The following CC2D2A variants were observed in gnomAD, a reference collection of about 807,000 sequenced individuals.
CC2D2A encodes the protein coiled-coil and C2 domain-containing protein 2A.
A neutral mutation model predicts 212.9 loss-of-function variants in CC2D2A; 155 were observed. The ratio of observed to expected loss-of-function variants is 0.73; its 90% CI spans 0.64 to 0.83. CC2D2A has a LOEUF of 0.83. Among genes scored for constraint, CC2D2A ranks in the 40% least tolerant of loss-of-function variants. The probability of loss-of-function intolerance (pLI) is 0.00; values close to 1 mark genes in which losing one functional copy is unlikely to be tolerated. For synonymous variants in CC2D2A, 667 were observed against 686.5 expected, an observed-to-expected ratio of 0.97 and a Z score of 0.44; for missense variants, 1,856 against 1,956.2, an observed-to-expected ratio of 0.95 and a Z score of 0.97.
At chr4:15,527,993 C>T (rs961651703) in intron 12 of CC2D2A, among the ~76,000 whole-genome samples, 2 of 152,200 alleles carry the variant, frequency 1.3e-5, no homozygotes, top group Non-Finnish European at 2.9e-5. Flanking sequence ...TTGAGAATAT[C>T]TGTCCTTAGA....
In CC2D2A at chr4:15,550,943, T is replaced by C. The variant is rs763256273; in HGVS notation, c.2301T>C (p.Asn767=). 6.2e-6 allele frequency: 10 copies of C among 1,606,564 alleles called. No individual in the cohort carries two copies. The highest frequency in any genetic ancestry group is 8.5e-6 in the Non-Finnish European group (10 of 1,173,994). The change falls in exon 18 of 37, where the codon AAT becomes AAC. Residue 767 remains asparagine (N), a synonymous_variant. Coordinates refer to ENST00000424120, the MANE Select transcript of CC2D2A (RefSeq NM_001378615.1). The part of the protein sequence containing the change: ...APTEEVEFSS[N]QHVTLDHEGV... The stretch of plus-strand genomic sequence containing the variant: ...CTGAAGAAGTGGAGTTTAGCAGTAA[T>C]CAGCATGTGACACTGGACCACGAGG...
chr4:15,496,819 A>C (rs1012932415), intron 4 of CC2D2A, among the ~76,000 whole-genome samples: 3 of 152,208 alleles, frequency 2.0e-5, no homozygotes, highest in Non-Finnish European at 2.9e-5. Flanking sequence ...CACAACAGCC[A>C]CACAAAGAAT....
At chr4:15,511,546 G>A (rs1054170472) in intron 8 of CC2D2A, 123 bp downstream of exon 8, 55 of 880,454 alleles carry the variant, frequency 6.2e-5, no homozygotes, top group Non-Finnish European at 6.0e-5. Flanking sequence ...GACACTCCAC[G>A]TCTGAGTTGA....
At chr4:15,556,441 A>G (rs1719285111) in intron 20 of CC2D2A, among the ~76,000 whole-genome samples, 1 of 152,230 alleles carries the variant, frequency 6.6e-6, no homozygotes, top group African/African-American at 2.4e-5. Flanking sequence ...CATATTACCT[A>G]AAATGTAGTC....
chr4:15,519,100 C>T, intron 11 of CC2D2A: 1 of 166,748 alleles, frequency 6.0e-6, no homozygotes, highest in South Asian at 1.3e-4. Flanking sequence ...TTTTATACTC[C>T]CCTTATAAAA....
In CC2D2A at chr4:15,527,567, G is replaced by A. The variant is rs372029263; in HGVS notation, c.1270G>A (p.Glu424Lys). Residue 424 changes from glutamate to lysine, a missense_variant, in exon 12 of 37, where the codon GAG (glutamate) becomes AAG (lysine). This residue lies in a region of CC2D2A where 1,512 missense variants were observed against 1,579.3 expected (regional missense o/e 0.96). Coordinates refer to ENST00000424120, the MANE Select transcript of CC2D2A (RefSeq NM_001378615.1). The stretch of plus-strand genomic sequence containing the variant: ...CACTCATCATCCCTGTTTTAGCCGA[G>A]AGCATGTTTTGGCAGCCAAGCTGGC... ...IFTHHPCFSREHVLAAKLAQL... is the reference protein window; with the variant it reads ...IFTHHPCFSRKHVLAAKLAQL... The A allele has an allele frequency of 1.9e-6, 3 of 1,613,350 alleles. No individual in the cohort carries two copies. The highest frequency in any genetic ancestry group is 2.5e-6 in the Non-Finnish European group (3 of 1,179,660).
intron 4 of CC2D2A, among the ~76,000 whole-genome samples, chr4:15,490,967 T>G (rs1715274636): frequency 6.6e-6 from 1 of 151,900 alleles, no homozygotes; most frequent in African/African-American, 2.4e-5. Flanking sequence ...CGCCTTAGAG[T>G]TGTGAGCCCT....
In CC2D2A at chr4:15,540,921, A is replaced by G. The variant is rs760615867; in HGVS notation, c.2088A>G (p.Thr696=). Residue 696 remains threonine (T), a synonymous_variant, in exon 17 of 37, where the codon ACA becomes ACG. Coordinates refer to ENST00000424120, the MANE Select transcript of CC2D2A (RefSeq NM_001378615.1). ...TCAACAACAAGGAGGTGTCCAGGAC[A>G]GTCAGTCGGCCACTAGGAGCAGACT... ...VLFNNKEVSR[T]VSRPLGADFR... 5 of 1,578,406 alleles carry G rather than the reference A, an allele frequency of 3.2e-6. No individual in the cohort carries two copies. In the Admixed American group the frequency reaches 7.3e-5, roughly 23 times the overall value.
At chr4:15,540,288 GTT>G (rs545715120) in intron 16 of CC2D2A, among the ~76,000 whole-genome samples, 1 of 142,434 alleles carries the variant, frequency 7.0e-6, no homozygotes, top group Non-Finnish European at 1.5e-5. Context: ...ATGGGAGGTT[GTT>G]TTTTTTTTTA....
intron 24 of CC2D2A, among the ~76,000 whole-genome samples, chr4:15,566,136 TG>T: frequency 6.6e-6 from 1 of 152,150 alleles, no homozygotes; most frequent in East Asian, 1.9e-4. Context: ...GTTAGGGTGA[TG>T]GTGGAGGTAT....
Position 15,550,805 on chromosome 4 carries a change from T to G in CC2D2A, c.2182-19T>G. 6.5e-7 allele frequency: 1 copy of G among 1,540,742 alleles called. No individual in the cohort carries two copies. Among genetic ancestry groups the G allele is most frequent in the Non-Finnish European group, 8.9e-7 (1 of 1,129,888 alleles). On this transcript the variant is annotated intron_variant, in intron 17 of 36. Coordinates refer to ENST00000424120, the MANE Select transcript of CC2D2A (RefSeq NM_001378615.1). Reference sequence around the variant, plus strand: ...ACTACTGCTGTTTTTATTGGCTATTTCTCTTCTCTGGTTTTCAGGTCTATG... The same window carrying G: ...ACTACTGCTGTTTTTATTGGCTATTGCTCTTCTCTGGTTTTCAGGTCTATG...
At chr4:15,529,062 T>C (rs1717673438) in intron 13 of CC2D2A, among the ~76,000 whole-genome samples, 1 of 152,198 alleles carries the variant, frequency 6.6e-6, no homozygotes, top group Non-Finnish European at 1.5e-5. Context: ...TAAGGAGCTA[T>C]GTGTGCATAT....
intron 4 of CC2D2A, among the ~76,000 whole-genome samples, chr4:15,488,926 G>T (rs933779355): frequency 6.6e-6 from 1 of 152,160 alleles, no homozygotes; most frequent in African/African-American, 2.4e-5. Context: ...CCCAAATAAA[G>T]AAAGCATCTC....
intron 13 of CC2D2A, among the ~76,000 whole-genome samples, chr4:15,530,632 C>G (rs764261662): frequency 3.3e-5 from 5 of 152,084 alleles, no homozygotes; most frequent in African/African-American, 4.8e-5. Context: ...ATTCTGTGCC[C>G]TTGGAGATGA....
At chr4:15,549,544 T>C (rs1411021858) in intron 17 of CC2D2A, among the ~76,000 whole-genome samples, 1 of 152,206 alleles carries the variant, frequency 6.6e-6, no homozygotes, top group African/African-American at 2.4e-5. Context: ...CAGATCAGGC[T>C]GTAATCCCAG....
At chr4:15,518,373 G>T (rs796905549) in intron 11 of CC2D2A, among the ~76,000 whole-genome samples, 2 of 152,198 alleles carry the variant, frequency 1.3e-5, no homozygotes, top group African/African-American at 4.8e-5. Context: ...GGGCAGCTTC[G>T]CCTCTGTGGC....
chr4:15,580,215 C>A, intron 30 of CC2D2A, 44 bp downstream of exon 30: 1 of 1,435,874 alleles, frequency 7.0e-7, no homozygotes, highest in Non-Finnish European at 9.7e-7. Context: ...AAACTGTTTT[C>A]ACATTTCAAT....
chr4:15,496,346 A>G (rs564278558), intron 4 of CC2D2A, among the ~76,000 whole-genome samples: 1 of 152,262 alleles, frequency 6.6e-6, no homozygotes, highest in Non-Finnish European at 1.5e-5. Flanking sequence ...GTTTACTTTT[A>G]GGGTTTCTAA....
chr4:15,559,690 CT>C (rs1292779701), intron 22 of CC2D2A, among the ~76,000 whole-genome samples: 1 of 150,520 alleles, frequency 6.6e-6, no homozygotes, highest in African/African-American at 2.5e-5. Flanking sequence ...TCCTTCCTTC[CT>C]TCAATAAACT....
Sources: allele counts gnomAD v4.1 joint callset (sites outside exome capture counted in the v4.1 genomes callset), GRCh38; gene constraint gnomAD v4.1.1; regional missense constraint gnomAD v4.1.1; transcripts MANE v1.5; gene names NCBI Gene and HGNC (gene_info 2026-07-23, HGNC 2026-07-21).